Variants in NR6A1 observed in about 807,000 individuals in gnomAD.
The protein encoded by NR6A1 is retinoic acid receptor-related testis-associated receptor.
In NR6A1, 7 loss-of-function variants were observed where a neutral mutation model predicts 59.1. That is an observed-to-expected ratio of 0.12 (90% CI 0.07 to 0.22). NR6A1 has a LOEUF of 0.22. Ranked by LOEUF, NR6A1 falls within the 10% of genes least tolerant of loss-of-function variation. The pLI is 1.00. For synonymous variants in NR6A1, 243 were observed against 236.1 expected, an observed-to-expected ratio of 1.03 and a Z score of -0.27; for missense variants, 468 against 611.6, an observed-to-expected ratio of 0.77 and a Z score of 2.48.
intron 2 of NR6A1, among the ~76,000 whole-genome samples, chr9:124,652,175 T>C (rs1837126322): frequency 6.6e-6 from 1 of 152,148 alleles, no homozygotes; most frequent in African/African-American, 2.4e-5. Flanking sequence ...AATCCCTCAA[T>C]GCACAAGAGT....
At chr9:124,652,856 C>T (rs1022617304) in intron 2 of NR6A1, among the ~76,000 whole-genome samples, 5 of 152,208 alleles carry the variant, frequency 3.3e-5, no homozygotes, top group East Asian at 1.9e-4. Flanking sequence ...GGGAATCTGT[C>T]CATTCCCAGC....
intron 2 of NR6A1, among the ~76,000 whole-genome samples, chr9:124,730,707 T>C (rs1839856778): frequency 1.3e-5 from 2 of 152,122 alleles, no homozygotes; most frequent in Admixed American, 1.3e-4. Context: ...CTGGTATTAC[T>C]TAACCCAGAA....
At chr9:124,612,586 T>A (rs77718180) in intron 2 of NR6A1, among the ~76,000 whole-genome samples, 1 of 152,142 alleles carries the variant, frequency 6.6e-6, no homozygotes, top group Admixed American at 6.5e-5. Flanking sequence ...AGGAACCTCA[T>A]AGATACTCCC....
intron 2 of NR6A1, among the ~76,000 whole-genome samples, chr9:124,571,809 A>T (rs892112407): frequency 1.3e-5 from 2 of 152,054 alleles, no homozygotes; most frequent in South Asian, 4.2e-4. Flanking sequence ...ATCCCTCCTG[A>T]ATCCCAACTC....
Position 124,698,249 on chromosome 9 carries a change from T to C in NR6A1, c.142+35059A>G, listed in dbSNP as rs189729297. 10 of 152,330 alleles carry C rather than the reference T, an allele frequency of 6.6e-5. No homozygotes were observed. In the East Asian group the frequency reaches 1.9e-3, roughly 29 times the overall value. The allele number at this position is 152,330 out of a possible 1,614,324, so 9.4% of individuals were successfully genotyped here. A position where few individuals can be genotyped will look rare whatever the true frequency, so the allele number is the denominator to read the frequency against. ...TCTACTCTGGTTTCTCTTCAGATCA[T>C]ATAAATCTTTCGCCTTTTAAATCAT... On this transcript the variant is annotated intron_variant, in intron 2 of 9. Transcript: ENST00000487099.
At chr9:124,752,182 T>A (rs1360086690) in intron 1 of NR6A1, among the ~76,000 whole-genome samples, 1 of 152,134 alleles carries the variant, frequency 6.6e-6, no homozygotes, top group Non-Finnish European at 1.5e-5. Flanking sequence ...AGCATGAGAA[T>A]GGCTTAAACC....
At chr9:124,541,294 A>C (rs1432128363) in intron 4 of NR6A1, among the ~76,000 whole-genome samples, 1 of 152,202 alleles carries the variant, frequency 6.6e-6, no homozygotes, top group Non-Finnish European at 1.5e-5. Context: ...AAAAAACAAA[A>C]CAAAACCCAC....
At chr9:124,528,950 G>C (rs560797759) in intron 7 of NR6A1, among the ~76,000 whole-genome samples, 109 of 152,304 alleles carry the variant, frequency 7.2e-4, no homozygotes, top group African/African-American at 2.3e-3. Context: ...AACATCTGTA[G>C]ATTTTGGCAT....
intron 2 of NR6A1, among the ~76,000 whole-genome samples, chr9:124,630,260 G>C (rs1464597071): frequency 1.6e-5 from 2 of 128,118 alleles, no homozygotes; most frequent in Non-Finnish European, 3.1e-5. Context: ...TTGTTGCCCA[G>C]GCTGGAGTGC....
chr9:124,653,708 T>A (rs1463728423), intron 2 of NR6A1, among the ~76,000 whole-genome samples: 1 of 152,232 alleles, frequency 6.6e-6, no homozygotes, highest in Non-Finnish European at 1.5e-5. Context: ...GCCCCTGGCC[T>A]ATACTTTTCA....
At chr9:124,665,418 T>C (rs925232476) in intron 2 of NR6A1, among the ~76,000 whole-genome samples, 1 of 152,124 alleles carries the variant, frequency 6.6e-6, no homozygotes, top group Non-Finnish European at 1.5e-5. Context: ...GAAAATAAAA[T>C]ACCTTCAAAT....
chr9:124,527,970 G>C (rs1395449669), intron 7 of NR6A1, among the ~76,000 whole-genome samples: 2 of 152,232 alleles, frequency 1.3e-5, no homozygotes, highest in African/African-American at 4.8e-5. Context: ...CTAGTGGGCA[G>C]TGGGTCCCAG....
intron 2 of NR6A1, among the ~76,000 whole-genome samples, chr9:124,573,436 T>C (rs1834502843): frequency 1.3e-5 from 2 of 152,216 alleles, no homozygotes; most frequent in African/African-American, 4.8e-5. Context: ...TTTCACCCTG[T>C]AACTTTCTGC....
intron 1 of NR6A1, among the ~76,000 whole-genome samples, chr9:124,755,556 C>T (rs1309354386): frequency 6.6e-6 from 1 of 152,166 alleles, no homozygotes; most frequent in Non-Finnish European, 1.5e-5. Context: ...GAAGACATGT[C>T]TTATCTGACC....
intron 2 of NR6A1, among the ~76,000 whole-genome samples, chr9:124,556,633 G>T (rs1006814010): frequency 2.6e-5 from 4 of 151,886 alleles, no homozygotes; most frequent in African/African-American, 9.7e-5. Context: ...GCTAATTTTT[G>T]TATTTTTAGT....
rs1025602035 is a variant in NR6A1 at position 124,540,180 on chromosome 9, T to C, written c.449A>G (p.Glu150Gly). 6.2e-7 allele frequency: 1 copy of C among 1,613,202 alleles called. No individual in the cohort carries two copies. Among genetic ancestry groups the C allele is most frequent in the Non-Finnish European group, 8.5e-7 (1 of 1,179,632 alleles). Residue 150 changes from glutamate to glycine, a missense_variant, in exon 5 of 10, where the codon GAA (glutamate) becomes GGA (glycine). By Grantham distance (98) the Glu-to-Gly change is moderately conservative. This residue lies in a region of NR6A1 where 151 missense variants were observed against 142.8 expected (regional missense o/e 1.06). Transcript: ENST00000487099. ...NKSIGPVQIS[E>G]EEIERIMSGQ... ...AGACATGATCCTTTCGATTTCTTCT[T>C]CCGATATCTTTGACAAGGAATTGAG...
intron 7 of NR6A1, among the ~76,000 whole-genome samples, chr9:124,530,075 G>A (rs907839464): frequency 2.0e-5 from 3 of 152,162 alleles, no homozygotes; most frequent in Admixed American, 6.5e-5. Context: ...AGACCCTGCA[G>A]GTGTGTGGCT....
intron 2 of NR6A1, among the ~76,000 whole-genome samples, chr9:124,728,033 TA>T (rs1220244407): frequency 1.3e-5 from 2 of 150,526 alleles, no homozygotes; most frequent in African/African-American, 2.4e-5. Flanking sequence ...TGTATTTATT[TA>T]TTTTTTTCTT....
chr9:124,540,082 T>C lies in NR6A1; in HGVS notation c.547A>G (p.Arg183Gly), dbSNP rs1282210587. Reference protein sequence around the residue: ...GDSDHSSPGNRASESNQPSPG... With the variant: ...GDSDHSSPGNGASESNQPSPG... Reference sequence around the variant, plus strand: ...GAGGGCTGGTTGCTCTCCGAAGCCCTGTTCCCAGGGGAACTGTGGTCACTA... The same window carrying C: ...GAGGGCTGGTTGCTCTCCGAAGCCCCGTTCCCAGGGGAACTGTGGTCACTA... Residue 183 changes from arginine to glycine, a missense_variant, in exon 5 of 10, where the codon AGG becomes GGG. By Grantham distance (125) the Arg-to-Gly change is moderately radical (BLOSUM62 -2). This residue lies in a region of NR6A1 where 151 missense variants were observed against 142.8 expected (regional missense o/e 1.06). Transcript: ENST00000487099. 6.2e-7 allele frequency: 1 copy of C among 1,613,862 alleles called. No individual in the cohort carries two copies. The highest frequency in any genetic ancestry group is 1.7e-5 in the Admixed American group (1 of 59,998).
Sources: allele counts gnomAD v4.1 joint callset (sites outside exome capture counted in the v4.1 genomes callset), GRCh38; gene constraint gnomAD v4.1.1; regional missense constraint gnomAD v4.1.1; transcripts MANE v1.5; gene names NCBI Gene and HGNC (gene_info 2026-07-23, HGNC 2026-07-21).